RGS6: variants seen among roughly 807,000 people sequenced by gnomAD.
RGS6 encodes the protein regulator of G-protein signaling 6.
Under a neutral mutation model 78.5 loss-of-function variants are expected in RGS6, and 30 were observed. The ratio of observed to expected loss-of-function variants is 0.38; its 90% CI spans 0.29 to 0.52. RGS6 has a LOEUF of 0.52. Among genes scored for constraint, RGS6 ranks in the 20% least tolerant of loss-of-function variants. The pLI is 0.85. For synonymous variants in RGS6, 206 were observed against 206.0 expected, an observed-to-expected ratio of 1.00 and a Z score of 0.00; for missense variants, 495 against 609.7, an observed-to-expected ratio of 0.81 and a Z score of 1.98.
At chr14:72,015,527 T>C (rs2086760773) in intron 2 of RGS6, among the ~76,000 whole-genome samples, 1 of 152,254 alleles carries the variant, frequency 6.6e-6, no homozygotes, top group South Asian at 2.1e-4. Context: ...TGCTTTCACC[T>C]TTTTTGTTAT....
chr14:71,982,142 G>A (rs1262197770), intron 2 of RGS6, among the ~76,000 whole-genome samples: 9 of 152,200 alleles, frequency 5.9e-5, no homozygotes, highest in South Asian at 2.1e-4. Flanking sequence ...GCCCTGCTTC[G>A]GCTGGCGCAT....
chr14:72,289,327 CTT>C (rs1040440845), intron 2 of RGS6, among the ~76,000 whole-genome samples: 4 of 82,610 alleles, frequency 4.8e-5, no homozygotes, highest in East Asian at 6.5e-4. Flanking sequence ...TATTTTCTTT[CTT>C]TCTCTCTCTC....
chr14:72,233,070 A>G (rs1010855020), intron 2 of RGS6, among the ~76,000 whole-genome samples: 7 of 152,132 alleles, frequency 4.6e-5, no homozygotes, highest in African/African-American at 9.7e-5. Flanking sequence ...TGGCTTGTAG[A>G]CCTGAATGTA....
the RGS6 span, among the ~76,000 whole-genome samples, chr14:72,577,776 C>A: frequency 6.6e-6 from 1 of 152,222 alleles, no homozygotes; most frequent in Non-Finnish European, 1.5e-5. Flanking sequence ...TGCCATTGAG[C>A]TGCTATCTCC....
At chr14:72,063,065 C>T (rs544213314) in intron 2 of RGS6, among the ~76,000 whole-genome samples, 10 of 152,240 alleles carry the variant, frequency 6.6e-5, no homozygotes, top group Non-Finnish European at 1.3e-4. Context: ...CTCAAGTGAT[C>T]TGCCCGCCTC....
chr14:72,229,468 G>T (rs1313473318), intron 2 of RGS6, among the ~76,000 whole-genome samples: 1 of 152,058 alleles, frequency 6.6e-6, no homozygotes, highest in African/African-American at 2.4e-5. Flanking sequence ...CTCCCTACAT[G>T]TACCCTCCAT....
At chr14:72,011,724 C>T (rs2085783509) in intron 2 of RGS6, among the ~76,000 whole-genome samples, 2 of 152,090 alleles carry the variant, frequency 1.3e-5, no homozygotes, top group African/African-American at 4.8e-5. Flanking sequence ...GAAAATACTA[C>T]ACCACTTTAT....
intron 2 of RGS6, among the ~76,000 whole-genome samples, chr14:72,155,995 A>G (rs951629577): frequency 6.6e-6 from 1 of 152,350 alleles, no homozygotes; most frequent in African/African-American, 2.4e-5. Flanking sequence ...CTTTTAAAAA[A>G]TACTGACACT....
At chr14:72,584,750 C>A in the RGS6 span, among the ~76,000 whole-genome samples, 2 of 152,140 alleles carry the variant, frequency 1.3e-5, no homozygotes, top group Admixed American at 1.3e-4. Context: ...CAACATTTAC[C>A]ATTAGGATGC....
intron 2 of RGS6, among the ~76,000 whole-genome samples, chr14:72,209,811 G>A (rs980183220): frequency 2.6e-5 from 4 of 152,160 alleles, no homozygotes; most frequent in Non-Finnish European, 5.9e-5. Flanking sequence ...ATTGTTTTAG[G>A]TTAGTTTCTC....
At chr14:72,312,451 TTAG>T (rs778688708) in intron 2 of RGS6, among the ~76,000 whole-genome samples, 9 of 152,192 alleles carry the variant, frequency 5.9e-5, no homozygotes, top group Admixed American at 2.0e-4. Flanking sequence ...GTTTTATGTC[TTAG>T]TAGGAGAAGA....
At chr14:71,939,052 G>T (rs2152950089) in intron 1 of RGS6, among the ~76,000 whole-genome samples, 1 of 152,320 alleles carries the variant, frequency 6.6e-6, no homozygotes, top group African/African-American at 2.4e-5. Context: ...GCCTGGACCT[G>T]TTGCAGAACC....
chr14:71,913,991 C>T, the RGS6 span, among the ~76,000 whole-genome samples: 8 of 152,212 alleles, frequency 5.3e-5, no homozygotes, highest in Non-Finnish European at 8.8e-5. Context: ...AAGCTTTCTG[C>T]TGCAAGGAAT....
intron 1 of RGS6, among the ~76,000 whole-genome samples, chr14:71,952,345 G>T (rs59307289): frequency 0.086 from 13,127 of 152,130 alleles, 770 homozygotes; most frequent in East Asian, 0.19. Context: ...TGTTGAATTT[G>T]ATTAAATGCC....
chr14:72,151,804 T>G (rs2096692607), intron 2 of RGS6, among the ~76,000 whole-genome samples: 1 of 152,204 alleles, frequency 6.6e-6, no homozygotes, highest in Non-Finnish European at 1.5e-5. Flanking sequence ...TAAATGCCAC[T>G]CTCTGGATCA....
intron 2 of RGS6, among the ~76,000 whole-genome samples, chr14:72,188,636 T>C (rs2097282315): frequency 6.6e-6 from 1 of 152,246 alleles, no homozygotes; most frequent in Non-Finnish European, 1.5e-5. Flanking sequence ...TGCATTAAAC[T>C]GCATACAATT....
chr14:72,422,347 A>G (rs923809005), intron 3 of RGS6, among the ~76,000 whole-genome samples: 4 of 152,228 alleles, frequency 2.6e-5, no homozygotes, highest in African/African-American at 9.6e-5. Flanking sequence ...GAGTTATGCT[A>G]TAATATCAAT....
At chr14:72,131,987 C>T (rs1208227582) in intron 2 of RGS6, among the ~76,000 whole-genome samples, 1 of 152,170 alleles carries the variant, frequency 6.6e-6, no homozygotes, top group Non-Finnish European at 1.5e-5. Context: ...AGGCCACCAT[C>T]CTAGAAATCT....
At chr14:72,575,805 T>A in the RGS6 span, among the ~76,000 whole-genome samples, 1 of 152,212 alleles carries the variant, frequency 6.6e-6, no homozygotes, top group South Asian at 2.1e-4. Context: ...AATTATTATG[T>A]GTCCATTTAA....
Sources: gnomAD v4.1 joint callset for allele counts (sites outside exome capture counted in the v4.1 genomes callset) on GRCh38, gnomAD v4.1.1 for gene constraint, MANE v1.5 for transcripts, NCBI Gene and HGNC (gene_info 2026-07-23, HGNC 2026-07-21) for gene names.